RNFT2: variants seen among roughly 807,000 people sequenced by gnomAD.
RNFT2 encodes the protein ring finger protein, transmembrane 2.
RNFT2 carries 36 observed loss-of-function variants against 53.0 expected under a neutral mutation model. The observed-to-expected ratio is 0.68, with a 90% confidence interval of 0.52 to 0.90. The LOEUF is 0.90. RNFT2 is among the 40% of genes least tolerant of loss of function. RNFT2 has a pLI of 0.00. For synonymous variants in RNFT2, 260 were observed against 253.2 expected (o/e 1.03, Z -0.26); for missense variants, 514 against 585.6 (o/e 0.88, Z 1.26).
chr12:116,850,140 C>A lies in RNFT2; in HGVS notation c.*692C>A, dbSNP rs1369189993. 1 of 136,434 alleles carries A rather than the reference C, an allele frequency of 7.3e-6. No homozygotes were observed. Among genetic ancestry groups the A allele is most frequent in the Non-Finnish European group, 1.5e-5 (1 of 65,296 alleles). 8.5% of individuals were successfully genotyped at this position (136,434 alleles called of 1,614,324 possible). On this transcript the variant is annotated 3_prime_UTR_variant, in exon 11 of 11. Transcript: ENST00000257575. The stretch of plus-strand genomic sequence containing the variant: ...GATTACAGGCATGAGCCACCGTGCC[C>A]AGGCTCACTTTTTTTTTTTTTTTTT...
rs149570588 is a variant in RNFT2 at position 116,809,051 on chromosome 12, A to G, written c.883-24741A>G. On this transcript the variant is annotated intron_variant, in intron 7 of 10. Coordinates refer to ENST00000257575, the MANE Select transcript of RNFT2 (RefSeq NM_001382266.1). ...TAACTGGATGCACAGGGCCGGAGCC[A>G]TGGCTTTTTTGGTGCCCCTCTCCCC... Among the ~76,000 whole-genome samples the G allele has an allele frequency of 1.3e-4, 20 of 152,250 alleles. No homozygotes were observed. The East Asian group carries it at 3.9e-3, about 29-fold the overall frequency.
chr12:116,803,673 G>A (rs1874911895), intron 7 of RNFT2, among the ~76,000 whole-genome samples: 1 of 152,190 alleles, frequency 6.6e-6, no homozygotes, highest in Non-Finnish European at 1.5e-5. Flanking sequence ...GTCATTTAGG[G>A]ATCGTGGCTT....
At chr12:116,752,817 G>A (rs1872312928) in intron 4 of RNFT2, among the ~76,000 whole-genome samples, 1 of 152,168 alleles carries the variant, frequency 6.6e-6, no homozygotes, top group South Asian at 2.1e-4. Flanking sequence ...GGTGGAGGTT[G>A]CAGTGAGCTG....
intron 7 of RNFT2, among the ~76,000 whole-genome samples, chr12:116,790,816 G>T (rs2137133979): frequency 6.6e-6 from 1 of 152,274 alleles, no homozygotes; most frequent in African/African-American, 2.4e-5. Flanking sequence ...ATTTAGCCGA[G>T]CATGGTGGCA....
intron 10 of RNFT2, among the ~76,000 whole-genome samples, chr12:116,839,425 G>GTGGATGGA (rs148543249): frequency 2.7e-5 from 3 of 112,540 alleles, no homozygotes; most frequent in African/African-American, 3.5e-5. Context: ...GGGTGGGTGG[G>GTGGATGGA]TGGATGGATG....
intron 7 of RNFT2, among the ~76,000 whole-genome samples, chr12:116,812,700 AT>A (rs1324003240): frequency 6.6e-6 from 1 of 151,712 alleles, no homozygotes; most frequent in Non-Finnish European, 1.5e-5. Context: ...CACCTGACTA[AT>A]TTTTGTATTT....
chr12:116,849,621 T>C lies in RNFT2; in HGVS notation c.*173T>C, dbSNP rs930049445. On this transcript the variant is annotated 3_prime_UTR_variant, in exon 11 of 11. Coordinates refer to ENST00000257575, the MANE Select transcript of RNFT2 (RefSeq NM_001382266.1). ...CTTGTCCTTCTGACCTTCATCTTCC[T>C]CTCTCGTTCTGTGGTATAGTGCGTG... is the stretch of plus-strand genomic sequence containing the variant. 4 of 1,390,070 alleles carry C rather than the reference T, an allele frequency of 2.9e-6. No individual in the cohort carries two copies. In the African/African-American group the frequency reaches 5.8e-5, roughly 20 times the overall value. 86.1% of individuals were successfully genotyped at this position (1,390,070 alleles called of 1,614,324 possible).
At chr12:116,820,216 G>A (rs888216999) in intron 7 of RNFT2, among the ~76,000 whole-genome samples, 9 of 152,106 alleles carry the variant, frequency 5.9e-5, no homozygotes, top group Non-Finnish European at 1.3e-4. Context: ...TCAGCCTCCC[G>A]AGTAGCTGGG....
intron 7 of RNFT2, among the ~76,000 whole-genome samples, chr12:116,820,666 C>T (rs1259349201): frequency 6.6e-6 from 1 of 152,122 alleles, no homozygotes; most frequent in Non-Finnish European, 1.5e-5. Flanking sequence ...CCTAGGGTCT[C>T]CCTTTCTCTG....
intron 4 of RNFT2, among the ~76,000 whole-genome samples, chr12:116,750,957 T>C (rs1592937802): frequency 6.8e-6 from 1 of 146,396 alleles, no homozygotes; most frequent in East Asian, 2.0e-4. Flanking sequence ...TGGAGCGCAG[T>C]GGTGCAGGTC....
In RNFT2 at chr12:116,841,150, G is replaced by A. The variant is rs569251943; in HGVS notation, c.1200+4868G>A. On this transcript the variant is annotated intron_variant, in intron 10 of 10. Transcript: ENST00000257575. ...ATGTTTATTATCTCACAGTTTTTAC[G>A]GGTCAAGAATCCAGGCACAGGCCAG... 5.7e-4 allele frequency among the ~76,000 whole-genome samples: 87 copies of A among 152,152 alleles called. 1 individual carries two copies. Among genetic ancestry groups the A allele is most frequent in the African/African-American group, 2.0e-3 (85 of 41,518 alleles).
In RNFT2 at chr12:116,852,579, A is replaced by G. The variant is rs980285653; in HGVS notation, c.*3131A>G. On this transcript the variant is annotated 3_prime_UTR_variant, in exon 11 of 11. Coordinates refer to ENST00000257575, the MANE Select transcript of RNFT2 (RefSeq NM_001382266.1). ...CAGCTGCTCTGTTCTCCCTACCCTG[A>G]GGAAAAACCAAAGGGAAGCAACAGG... 38 of 1,612,646 alleles carry G rather than the reference A, an allele frequency of 2.4e-5. No homozygotes were observed. The highest frequency in any genetic ancestry group is 4.4e-5 in the South Asian group (4 of 90,914).
At chr12:116,833,262 GGAAGAGA>G (rs1301736122) in intron 7 of RNFT2, among the ~76,000 whole-genome samples, 1 of 152,112 alleles carries the variant, frequency 6.6e-6, no homozygotes, top group East Asian at 1.9e-4. Context: ...CTGCCTCCTT[GGAAGAGA>G]GCAGGTGGTG....
At chr12:116,762,446 T>C (rs1287889884) in intron 5 of RNFT2, among the ~76,000 whole-genome samples, 1 of 151,984 alleles carries the variant, frequency 6.6e-6, no homozygotes, top group Non-Finnish European at 1.5e-5. Flanking sequence ...ACAAGGTGTT[T>C]AGCACAAGTA....
chr12:116,768,891 C>T (rs553860453), intron 6 of RNFT2, among the ~76,000 whole-genome samples: 7 of 151,820 alleles, frequency 4.6e-5, no homozygotes, highest in South Asian at 2.1e-4. Flanking sequence ...CCACTACGCC[C>T]GGCTAATTTT....
intron 7 of RNFT2, among the ~76,000 whole-genome samples, chr12:116,825,940 C>T (rs1361999266): frequency 1.3e-5 from 2 of 151,894 alleles, no homozygotes; most frequent in East Asian, 1.9e-4. Context: ...AAAAGAGATT[C>T]GTAAACAGGC....
chr12:116,849,689 T>C lies in RNFT2; in HGVS notation c.*241T>C. 1 of 1,252,976 alleles carries C rather than the reference T, an allele frequency of 8.0e-7. No homozygotes were observed. Among genetic ancestry groups the C allele is most frequent in the Non-Finnish European group, 1.0e-6 (1 of 996,658 alleles). The allele number at this position is 1,252,976 out of a possible 1,614,324, so 77.6% of individuals were successfully genotyped here. A position where few individuals can be genotyped will look rare whatever the true frequency, so the allele number is the denominator to read the frequency against. ...AGGGGACGTCTTCCTAACTCAGACT[T>C]GATGCCCTTCTAGATGCATCTTCCT... On this transcript the variant is annotated 3_prime_UTR_variant, in exon 11 of 11. Transcript: ENST00000257575.
intron 7 of RNFT2, among the ~76,000 whole-genome samples, chr12:116,817,865 G>T (rs1334743479): frequency 2.0e-5 from 3 of 152,172 alleles, no homozygotes; most frequent in African/African-American, 4.8e-5. Context: ...CGAAGGTGTT[G>T]GGGATAAGAT....
intron 4 of RNFT2, among the ~76,000 whole-genome samples, chr12:116,753,204 G>A (rs897191657): frequency 3.9e-5 from 5 of 129,652 alleles, no homozygotes; most frequent in African/African-American, 1.4e-4. Context: ...AGGCTGGAGT[G>A]CAGTGGTGTG....
Sources: allele counts gnomAD v4.1 joint callset (sites outside exome capture counted in the v4.1 genomes callset), GRCh38; gene constraint gnomAD v4.1.1; transcripts MANE v1.5; gene names NCBI Gene and HGNC (gene_info 2026-07-23, HGNC 2026-07-21).